Variants in TNFRSF10B observed in about 807,000 individuals in gnomAD.
TNFRSF10B encodes the protein tumor necrosis factor receptor superfamily member 10B.
Under a neutral mutation model 41.4 loss-of-function variants are expected in TNFRSF10B, and 35 were observed. That is an observed-to-expected ratio of 0.85 (90% CI 0.65 to 1.12). The LOEUF is 1.12. Among genes scored for constraint, TNFRSF10B ranks in the 50% most tolerant of loss-of-function variants. TNFRSF10B has a pLI of 0.00. For missense variants in TNFRSF10B, 584 were observed against 552.7 expected (o/e 1.06, Z -0.57); for synonymous variants, 230 against 215.5 (o/e 1.07, Z -0.59).
In TNFRSF10B at chr8:23,028,841, C is replaced by G. The variant is rs1279115922; in HGVS notation, c.477-239G>C. Among the ~76,000 whole-genome samples, 4 of 152,194 alleles carry G rather than the reference C, an allele frequency of 2.6e-5. No homozygotes were observed. The South Asian group carries it at 8.3e-4, about 31-fold the overall frequency. On this transcript the variant is annotated intron_variant, in intron 4 of 8. Transcript: ENST00000276431. ...GGGGTCAGAGCTGCAGTTCCAGGAG[C>G]CTTCTGTGCTGGGCACACACTGAGC...
chr8:23,051,100 C>T (rs12115087), intron 1 of TNFRSF10B, among the ~76,000 whole-genome samples: 36,602 of 151,908 alleles, frequency 0.24, 4,605 homozygotes, highest in Non-Finnish European at 0.25. Flanking sequence ...ATAAAATGTA[C>T]TTCTATTGGC....
chr8:23,043,483 A>G (rs536370114), intron 1 of TNFRSF10B, among the ~76,000 whole-genome samples: 27 of 152,340 alleles, frequency 1.8e-4, no homozygotes, highest in African/African-American at 5.5e-4. Context: ...GTGGGCAAGG[A>G]AAGTTTTTAC....
intron 1 of TNFRSF10B, among the ~76,000 whole-genome samples, chr8:23,049,391 A>G (rs1271957749): frequency 6.6e-6 from 1 of 151,920 alleles, no homozygotes; most frequent in Non-Finnish European, 1.5e-5. Flanking sequence ...GTCTGAAGAA[A>G]CTCCCCAGGC....
rs777806363 is a variant in TNFRSF10B at position 23,029,723 on chromosome 8, TGAC to T, written c.365-5_365-3del. ...TGCAGGGACTTAGCTCCACTTCACCTGACGACAGAGCATAAGGTTTTGGGAATG... is the reference window on the plus strand; with the variant it reads ...TGCAGGGACTTAGCTCCACTTCACCTGACAGAGCATAAGGTTTTGGGAATG... On this transcript the variant is annotated splice_polypyrimidine_tract_variant and splice_region_variant and intron_variant, in intron 3 of 8. Transcript: ENST00000276431. The T allele has an allele frequency of 5.0e-6, 8 of 1,612,794 alleles. No homozygotes were observed. The African/African-American group carries it at 1.1e-4, about 22-fold the overall frequency.
intron 1 of TNFRSF10B, among the ~76,000 whole-genome samples, chr8:23,055,078 A>C (rs1812625831): frequency 1.3e-5 from 2 of 152,154 alleles, no homozygotes; most frequent in South Asian, 4.1e-4. Context: ...TTTGGATTAA[A>C]TTCTAATTTT....
intron 2 of TNFRSF10B, among the ~76,000 whole-genome samples, chr8:23,035,104 A>G (rs1331546835): frequency 1.3e-5 from 2 of 151,944 alleles, no homozygotes; most frequent in Admixed American, 6.6e-5. Context: ...TCCGGGATGC[A>G]TCAACTCGCA....
rs1811795621 is a variant in TNFRSF10B at position 23,028,882 on chromosome 8, G to A, written c.477-280C>T. Among the ~76,000 whole-genome samples the A allele has an allele frequency of 3.3e-5, 5 of 152,194 alleles. No homozygotes were observed. In the South Asian group the frequency reaches 8.3e-4, roughly 25 times the overall value. ...CACACTGAGCTTCCCTGGGCTGCAG[G>A]GGAGGCCTGCGTTAGGAGCAATCAC... On this transcript the variant is annotated intron_variant, in intron 4 of 8. Transcript: ENST00000276431.
intron 2 of TNFRSF10B, among the ~76,000 whole-genome samples, chr8:23,037,512 A>G (rs1188810293): frequency 6.6e-6 from 1 of 152,216 alleles, no homozygotes; most frequent in Admixed American, 6.5e-5. Context: ...GCTTCTGTCA[A>G]AACTATCCTC....
chr8:23,038,304 T>C (rs1812078183), intron 2 of TNFRSF10B, among the ~76,000 whole-genome samples: 1 of 152,194 alleles, frequency 6.6e-6, no homozygotes, highest in African/African-American at 2.4e-5. Context: ...GTTAGTTCAC[T>C]CTACCAGGCA....
At chr8:23,040,971 C>T (rs1812178767) in intron 2 of TNFRSF10B, among the ~76,000 whole-genome samples, 1 of 151,992 alleles carries the variant, frequency 6.6e-6, no homozygotes, top group African/African-American at 2.4e-5. Context: ...TCTCCTCTTA[C>T]TACAAAATGA....
At chr8:23,059,309 A>G (rs540821731) in intron 1 of TNFRSF10B, among the ~76,000 whole-genome samples, 2 of 152,200 alleles carry the variant, frequency 1.3e-5, no homozygotes, top group Admixed American at 1.3e-4. Flanking sequence ...GTGTACAAAT[A>G]TCTGTTTGAA....
intron 1 of TNFRSF10B, among the ~76,000 whole-genome samples, chr8:23,066,745 A>C (rs1812994435): frequency 6.6e-6 from 1 of 151,732 alleles, no homozygotes; most frequent in African/African-American, 2.4e-5. Flanking sequence ...AAAATACAAA[A>C]AGTTCGCTGG....
chr8:23,027,276 G>C lies in TNFRSF10B; in HGVS notation c.793C>G (p.Pro265Ala), dbSNP rs749002358. 18 of 1,614,114 alleles carry C rather than the reference G, an allele frequency of 1.1e-5. 1 individual carries two copies. In the Admixed American group the frequency reaches 2.7e-4, roughly 24 times the overall value. ...TTGAGGACATTGTCCTCAGCCCCAG[G>C]TCGTTGTGAGCTCTGGAAAAAGACA... ...PERVDRSSQR[P>A]GAEDNVLNEI... The change falls in exon 7 of 9, where the codon CCT becomes GCT. Residue 265 changes from proline to alanine, a missense_variant. Coordinates refer to ENST00000276431, the MANE Select transcript of TNFRSF10B (RefSeq NM_003842.5).
chr8:23,045,145 A>G (rs4348487), intron 1 of TNFRSF10B, among the ~76,000 whole-genome samples: 91,366 of 149,256 alleles, frequency 0.61, 30,520 homozygotes, highest in African/African-American at 0.89. Flanking sequence ...CACAAAAATC[A>G]CTTGAACCTG....
Position 23,022,943 on chromosome 8 carries a change from AGG to A in TNFRSF10B, c.1049_1050del (p.Pro350LeufsTer2). ...CTCATGAGCGGCTCCCAGGAGTCAA[AGG>A]GCACCAAGTCTGCAAAGTCATCGAA... is the stretch of plus-strand genomic sequence containing the variant. ...QCFDDFADLV[P>X]FDSWEPLMRK... On this transcript the variant is annotated frameshift_variant, in exon 9 of 9. Coordinates refer to ENST00000276431, the MANE Select transcript of TNFRSF10B (RefSeq NM_003842.5). LOFTEE classifies it low-confidence loss of function (END_TRUNC). 6.2e-7 allele frequency: 1 copy of A among 1,613,746 alleles called. No individual in the cohort carries two copies. The highest frequency in any genetic ancestry group is 1.1e-5 in the South Asian group (1 of 91,070).
chr8:23,026,508 A>G (rs1811706287), intron 7 of TNFRSF10B, among the ~76,000 whole-genome samples: 1 of 152,216 alleles, frequency 6.6e-6, no homozygotes, highest in Admixed American at 6.5e-5. Flanking sequence ...TTAAAAATCA[A>G]ATCATTAAAA....
intron 1 of TNFRSF10B, among the ~76,000 whole-genome samples, chr8:23,055,422 T>C (rs185348089): frequency 2.0e-5 from 3 of 151,438 alleles, no homozygotes; most frequent in African/African-American, 4.9e-5. Context: ...CATGCGCAAA[T>C]TGACAGTGGG....
At chr8:23,049,987 G>A (rs1480362010) in intron 1 of TNFRSF10B, 1 of 152,280 alleles carries the variant, frequency 6.6e-6, no homozygotes, top group African/African-American at 2.4e-5. Context: ...GTCAGGTGAG[G>A]TTTCCCCAGG....
chr8:23,041,170 T>C (rs1812190268), intron 2 of TNFRSF10B, among the ~76,000 whole-genome samples: 1 of 151,846 alleles, frequency 6.6e-6, no homozygotes, highest in South Asian at 2.1e-4. Flanking sequence ...GCGATTCTCC[T>C]GCCTCAGCCT....
Sources: allele counts gnomAD v4.1 joint callset (sites outside exome capture counted in the v4.1 genomes callset), GRCh38; gene constraint gnomAD v4.1.1; transcripts MANE v1.5; gene names NCBI Gene and HGNC (gene_info 2026-07-23, HGNC 2026-07-21).